The following ARFGAP3 variants were observed in gnomAD, a reference collection of about 807,000 sequenced individuals.
ARFGAP3 encodes the protein ADP-ribosylation factor GTPase-activating protein 3.
ARFGAP3 carries 72 observed loss-of-function variants against 75.0 expected under a neutral mutation model. The observed-to-expected ratio is 0.96, with a 90% CI of 0.79 to 1.17. The LOEUF (loss-of-function observed/expected upper bound fraction) is 1.17, where lower values mean the gene tolerates loss of function less well. Among genes scored for constraint, ARFGAP3 ranks in the 50% most tolerant of loss-of-function variants. The pLI is 0.00. For missense variants in ARFGAP3, 620 were observed against 626.6 expected (o/e 0.99, Z 0.11); for synonymous variants, 221 against 217.9 (o/e 1.01, Z -0.13).
chr22:42,834,435 C>G (rs1465278249), intron 4 of ARFGAP3, 110 bp from the exon 5 acceptor site: 5 of 1,502,448 alleles, frequency 3.3e-6, no homozygotes, highest in Non-Finnish European at 4.4e-6. Context: ...TTGGTGCTTT[C>G]CATTCTTATA....
intron 7 of ARFGAP3, among the ~76,000 whole-genome samples, chr22:42,824,872 C>T (rs1348871391): frequency 2.6e-5 from 4 of 152,140 alleles, no homozygotes; most frequent in Admixed American, 6.5e-5. Flanking sequence ...TCCTCAGTGT[C>T]TACTCTTCCC....
chr22:42,831,474 T>C (rs1232690899), intron 6 of ARFGAP3, 75 bp downstream of exon 6: 2 of 1,459,084 alleles, frequency 1.4e-6, no homozygotes, highest in South Asian at 1.2e-5. Flanking sequence ...GCCTGGCCCA[T>C]CTTAATTTTT....
chr22:42,825,815 T>C (rs1248306803), intron 7 of ARFGAP3, among the ~76,000 whole-genome samples: 1 of 152,228 alleles, frequency 6.6e-6, no homozygotes, highest in Non-Finnish European at 1.5e-5. Context: ...TTATAGGTTA[T>C]ATATTGTCTT....
chr22:42,834,159 T>C, intron 5 of ARFGAP3, 83 bp downstream of exon 5: 9 of 1,291,054 alleles, frequency 7.0e-6, no homozygotes, highest in Non-Finnish European at 9.9e-6. Flanking sequence ...GAGCTTAGCC[T>C]ACATCCTAAC....
Position 42,846,121 on chromosome 22 carries a change from G to A in ARFGAP3, c.188+1393C>T, listed in dbSNP as rs368470350. On this transcript the variant is annotated intron_variant, in intron 2 of 15. Transcript: ENST00000263245. ...ACAAATGCTCCTTTTTAATAATCAC[G>A]TTCTATCAATATTTCGATATTCCTT... Among the ~76,000 whole-genome samples the A allele has an allele frequency of 1.3e-4, 20 of 150,646 alleles. No homozygotes were observed. In the South Asian group the frequency reaches 1.7e-3, roughly 13 times the overall value.
In ARFGAP3 at chr22:42,797,602, G is replaced by A. The variant is rs1201715045; in HGVS notation, c.1537C>T (p.Arg513Cys). 2 of 1,614,044 alleles carry A rather than the reference G, an allele frequency of 1.2e-6. No homozygotes were observed. Among genetic ancestry groups the A allele is most frequent in the Admixed American group, 3.3e-5 (2 of 60,008 alleles). Residue 513 changes from arginine to cysteine, a missense_variant, in exon 16 of 16, where the codon CGC (arginine) becomes TGC (cysteine). Arg to Cys is a radical substitution (Grantham distance 180). Coordinates refer to ENST00000263245, the MANE Select transcript of ARFGAP3 (RefSeq NM_014570.5). The stretch of plus-strand genomic sequence containing the variant: ...TGACTTCAGTATTAAGAACCGTAGC[G>A]ATCCTGAAGAGAGAACCAAAATGGA... ...ANGVVTSIQD[R>C]YGS
In ARFGAP3 at chr22:42,813,142, C is replaced by G. The variant is rs541778488; in HGVS notation, c.1065-2198G>C. On this transcript the variant is annotated intron_variant, in intron 11 of 15. Coordinates refer to ENST00000263245, the MANE Select transcript of ARFGAP3 (RefSeq NM_014570.5). ...TTTAAAACTACTTAATAAGCACCTA[C>G]GAGGAGTCAGGCACTCTGCTAGGGG... Among the ~76,000 whole-genome samples, 3 of 152,274 alleles carry G rather than the reference C, an allele frequency of 2.0e-5. 1 individual carries two copies. The highest frequency in any genetic ancestry group is 4.1e-4 in the South Asian group (2 of 4,826).
At chr22:42,797,963 T>C (rs1375907030) in intron 15 of ARFGAP3, among the ~76,000 whole-genome samples, 1 of 152,188 alleles carries the variant, frequency 6.6e-6, no homozygotes, top group Non-Finnish European at 1.5e-5. Flanking sequence ...AGGAACACAT[T>C]TGGTGTTTGA....
At chr22:42,804,376 ATTTTT>A (rs1169858932) in intron 14 of ARFGAP3, among the ~76,000 whole-genome samples, 4 of 74,474 alleles carry the variant, frequency 5.4e-5, no homozygotes, top group African/African-American at 1.8e-4. Flanking sequence ...CACCCAGCTA[ATTTTT>A]TTTTTTTTTT....
intron 5 of ARFGAP3, among the ~76,000 whole-genome samples, chr22:42,833,338 C>T (rs1432387751): frequency 6.6e-6 from 1 of 152,142 alleles, no homozygotes; most frequent in South Asian, 2.1e-4. Context: ...TGAACTGTGG[C>T]ACACTACTAG....
intron 11 of ARFGAP3, among the ~76,000 whole-genome samples, chr22:42,816,387 A>G (rs533948240): frequency 9.2e-5 from 14 of 152,336 alleles, no homozygotes; most frequent in Admixed American, 2.6e-4. Flanking sequence ...AATCCATGCC[A>G]TCTGGCCCCT....
At chr22:42,820,772 G>C (rs897378043) in intron 9 of ARFGAP3, among the ~76,000 whole-genome samples, 18 of 152,226 alleles carry the variant, frequency 1.2e-4, no homozygotes, top group Middle Eastern at 3.4e-3. Flanking sequence ...GTACAGTCAC[G>C]GTTTCCAGAA....
chr22:42,810,787 A>G (rs944898157), intron 12 of ARFGAP3, 26 bp downstream of exon 12: 1 of 1,596,902 alleles, frequency 6.3e-7, no homozygotes, highest in African/African-American at 1.3e-5. Flanking sequence ...ATTCACTACT[A>G]CAACCCCACA....
At chr22:42,838,263 T>TAC (rs1469524562) in intron 3 of ARFGAP3, among the ~76,000 whole-genome samples, 62 of 138,838 alleles carry the variant, frequency 4.5e-4, no homozygotes, top group Admixed American at 1.4e-3. Flanking sequence ...TTGATATATA[T>TAC]ATACACACAC....
rs1405106410 is a variant in ARFGAP3, at chr22:42,796,870, A to G, written c.*718T>C. On this transcript the variant is annotated 3_prime_UTR_variant, in exon 16 of 16. Coordinates refer to ENST00000263245, the MANE Select transcript of ARFGAP3 (RefSeq NM_014570.5). Reference sequence around the variant, plus strand: ...CTGTATACCGTATTGATTTGTGATGAGATGATTTATTATGAGAACTCTTAG... The same window carrying G: ...CTGTATACCGTATTGATTTGTGATGGGATGATTTATTATGAGAACTCTTAG... The G allele has an allele frequency of 6.6e-6, 1 of 152,220 alleles. No individual in the cohort carries two copies. Among genetic ancestry groups the G allele is most frequent in the Non-Finnish European group, 1.5e-5 (1 of 68,050 alleles). The allele number at this position is 152,220 out of a possible 1,614,324, so 9.4% of individuals were successfully genotyped here.
At position 42,817,211 on chromosome 22, in the gene ARFGAP3, G is replaced by A. The variant is rs141235894; in HGVS notation, c.995C>T (p.Pro332Leu). Residue 332 changes from proline to leucine, a missense_variant, in exon 11 of 16, where the codon CCC becomes CTC. Transcript: ENST00000263245. ...CTTTTTTCTTGGTTTTGCCATAATG[G>A]GTGATTCCTGCTCTATGGTCTGCAT... Reference protein sequence around the residue: ...SDMQTIEQESPIMAKPRKKYN... With the variant: ...SDMQTIEQESLIMAKPRKKYN... 7.4e-6 allele frequency: 12 copies of A among 1,613,516 alleles called. No individual in the cohort carries two copies. In the African/African-American group the frequency reaches 1.2e-4, roughly 16 times the overall value.
chr22:42,839,761 T>C (rs1032702004), intron 3 of ARFGAP3, among the ~76,000 whole-genome samples: 16 of 152,172 alleles, frequency 1.1e-4, no homozygotes, highest in African/African-American at 2.9e-4. Context: ...CTTCCTGTTT[T>C]AATTTTCTTA....
intron 9 of ARFGAP3, among the ~76,000 whole-genome samples, chr22:42,818,510 G>C (rs1043650231): frequency 6.6e-6 from 1 of 151,974 alleles, no homozygotes; most frequent in African/African-American, 2.4e-5. Context: ...GACACCAAAG[G>C]GGTAAAAAGG....
intron 14 of ARFGAP3, among the ~76,000 whole-genome samples, chr22:42,802,449 A>G (rs113756163): frequency 7.2e-6 from 1 of 139,728 alleles, no homozygotes; most frequent in Non-Finnish European, 1.6e-5. Flanking sequence ...CCACGCCCAG[A>G]TAATTTTTTT....
Sources: gnomAD v4.1 joint callset for allele counts (sites outside exome capture counted in the v4.1 genomes callset) on GRCh38, gnomAD v4.1.1 for gene constraint, MANE v1.5 for transcripts, NCBI Gene and HGNC (gene_info 2026-07-23, HGNC 2026-07-21) for gene names.